PLPP1: variants seen among roughly 807,000 people sequenced by gnomAD.
PLPP1 encodes the protein lipid phosphate phosphohydrolase 1a.
PLPP1 carries 24 observed loss-of-function variants against 31.2 expected under a neutral mutation model. That is an observed-to-expected ratio of 0.77 (90% CI 0.56 to 1.08). The LOEUF is 1.08. PLPP1 is among the 50% of genes least tolerant of loss of function. PLPP1 has a pLI of 0.00. For missense variants in PLPP1, 319 were observed against 342.7 expected, an observed-to-expected ratio of 0.93 and a Z score of 0.55; for synonymous variants, 146 against 126.3, an observed-to-expected ratio of 1.16 and a Z score of -1.05.
rs192882140 is a variant in PLPP1 at position 55,456,473 on chromosome 5, A to G, written c.491+11396T>C. On this transcript the variant is annotated intron_variant, in intron 3 of 5. Transcript: ENST00000307259. ...TCCTTTCTCCCCAATGTCAAGCATC[A>G]TAATTTTATAATTAAAAGCTTATAT... Among the ~76,000 whole-genome samples the G allele has an allele frequency of 1.3e-3, 203 of 152,340 alleles. 2 individuals are homozygous for G. The Middle Eastern group carries it at 0.024, about 18-fold the overall frequency.
At chr5:55,430,893 CAT>C (rs1194294748) in intron 4 of PLPP1, among the ~76,000 whole-genome samples, 16 of 151,884 alleles carry the variant, frequency 1.1e-4, no homozygotes, top group Admixed American at 9.2e-4. Context: ...TTCCCAAAGA[CAT>C]AGATATAAAA....
rs532451413 is a variant in PLPP1 at position 55,461,608 on chromosome 5, C to T, written c.491+6261G>A. Among the ~76,000 whole-genome samples, 64 of 149,992 alleles carry T rather than the reference C, an allele frequency of 4.3e-4. 1 individual carries two copies. Among genetic ancestry groups the T allele is most frequent in the African/African-American group, 1.5e-3 (61 of 41,066 alleles). On this transcript the variant is annotated intron_variant, in intron 3 of 5. Transcript: ENST00000307259. Reference sequence around the variant, plus strand: ...CAAAAAGCATCTACAAAAAAAAAAACCATGCACAGTTGACATATTTGTGAA... The same window carrying T: ...CAAAAAGCATCTACAAAAAAAAAAATCATGCACAGTTGACATATTTGTGAA...
intron 1 of PLPP1, among the ~76,000 whole-genome samples, chr5:55,480,336 C>T (rs1603433): frequency 0.86 from 129,871 of 151,810 alleles, 56,033 homozygotes; most frequent in South Asian, 0.92. Flanking sequence ...TCTAAGTATA[C>T]ATATAATTCA....
intron 1 of PLPP1, among the ~76,000 whole-genome samples, chr5:55,480,864 CTG>C (rs1752654508): frequency 1.3e-5 from 2 of 152,174 alleles, no homozygotes; most frequent in South Asian, 4.1e-4. Context: ...AATTGCCAAA[CTG>C]TTTTCCAAAG....
chr5:55,431,783 T>C (rs1416324282), intron 4 of PLPP1, among the ~76,000 whole-genome samples: 1 of 152,058 alleles, frequency 6.6e-6, no homozygotes, highest in African/African-American at 2.4e-5. Flanking sequence ...AAATGAACTC[T>C]TAAAAGTACA....
At chr5:55,525,639 A>G (rs1010099671) in intron 1 of PLPP1, among the ~76,000 whole-genome samples, 5 of 152,104 alleles carry the variant, frequency 3.3e-5, no homozygotes, top group African/African-American at 1.2e-4. Context: ...CCTGGCCCCC[A>G]ATTTTAGACT....
chr5:55,532,687 G>C (rs191143700), intron 1 of PLPP1, among the ~76,000 whole-genome samples: 1 of 152,288 alleles, frequency 6.6e-6, no homozygotes, highest in African/African-American at 2.4e-5. Flanking sequence ...AGTTGGGCGC[G>C]GTGGTTGACG....
chr5:55,494,967 C>CA (rs33994006), intron 1 of PLPP1, among the ~76,000 whole-genome samples: 10,323 of 135,578 alleles, frequency 0.076, 763 homozygotes, highest in African/African-American at 0.17. Context: ...AAAAAAAATA[C>CA]AAAAAAAAAA....
chr5:55,450,983 C>T (rs1335630343), intron 3 of PLPP1, among the ~76,000 whole-genome samples: 3 of 152,190 alleles, frequency 2.0e-5, no homozygotes, highest in Admixed American at 6.5e-5. Context: ...TAACTAGAAA[C>T]GAGACCCTGA....
At chr5:55,464,043 A>G (rs1296874034) in intron 3 of PLPP1, among the ~76,000 whole-genome samples, 1 of 152,014 alleles carries the variant, frequency 6.6e-6, no homozygotes, top group Non-Finnish European at 1.5e-5. Context: ...AACACTGGTC[A>G]TTAAGGAAAT....
intron 3 of PLPP1, among the ~76,000 whole-genome samples, chr5:55,444,232 C>T (rs1751699818): frequency 1.3e-5 from 2 of 151,972 alleles, no homozygotes; most frequent in Admixed American, 6.6e-5. Context: ...CAGGCTTGCA[C>T]CACTGTGCCA....
Position 55,425,352 on chromosome 5 carries a change from T to G in PLPP1, c.727-18A>C, listed in dbSNP as rs766004215. On this transcript the variant is annotated intron_variant, in intron 5 of 5. Transcript: ENST00000307259. The stretch of plus-strand genomic sequence containing the variant: ...TATACAGCCTACAGTGCAAAATATT[T>G]AATGGTATAATTTAGATCAAGTTAA... 9.9e-5 allele frequency: 156 copies of G among 1,573,296 alleles called. No homozygotes were observed. In the South Asian group the frequency reaches 1.6e-3, roughly 16 times the overall value.
intron 3 of PLPP1, among the ~76,000 whole-genome samples, chr5:55,450,992 G>A (rs1332409463): frequency 2.0e-5 from 3 of 152,206 alleles, no homozygotes; most frequent in Non-Finnish European, 4.4e-5. Flanking sequence ...ACGAGACCCT[G>A]AGACTTCTAC....
chr5:55,441,759 C>G (rs966908964), intron 4 of PLPP1, 92 bp downstream of exon 4: 1 of 1,338,054 alleles, frequency 7.5e-7, no homozygotes, highest in African/African-American at 1.5e-5. Flanking sequence ...TTGCTACTGG[C>G]TAATTTATTA....
intron 2 of PLPP1, among the ~76,000 whole-genome samples, chr5:55,471,131 C>T (rs955255927): frequency 1.3e-5 from 2 of 152,104 alleles, no homozygotes; most frequent in African/African-American, 4.8e-5. Context: ...TCCTAAATAT[C>T]TCTAACCACT....
At chr5:55,454,411 A>G (rs1167165797) in intron 3 of PLPP1, among the ~76,000 whole-genome samples, 1 of 152,204 alleles carries the variant, frequency 6.6e-6, no homozygotes, top group East Asian at 1.9e-4. Flanking sequence ...CTGTCTGCTC[A>G]ATAGAGAATG....
chr5:55,490,443 C>A (rs1489503897), intron 1 of PLPP1, among the ~76,000 whole-genome samples: 1 of 151,954 alleles, frequency 6.6e-6, no homozygotes, highest in Non-Finnish European at 1.5e-5. Flanking sequence ...AGCCACCACA[C>A]CTGGCCAATA....
At chr5:55,534,013 C>A (rs949834346) in intron 1 of PLPP1, among the ~76,000 whole-genome samples, 2 of 152,168 alleles carry the variant, frequency 1.3e-5, no homozygotes, top group Non-Finnish European at 2.9e-5. Context: ...TCCCCCACCC[C>A]CAAAACTTCT....
At chr5:55,458,836 C>G (rs1262425653) in intron 3 of PLPP1, among the ~76,000 whole-genome samples, 1 of 118,872 alleles carries the variant, frequency 8.4e-6, no homozygotes, top group Non-Finnish European at 1.6e-5. Flanking sequence ...TGCAGTGGGC[C>G]AAGATTATGC....
Sources: gnomAD v4.1 joint callset for allele counts (sites outside exome capture counted in the v4.1 genomes callset) on GRCh38, gnomAD v4.1.1 for gene constraint, MANE v1.5 for transcripts, NCBI Gene and HGNC (gene_info 2026-07-23, HGNC 2026-07-21) for gene names.